ZHX2: variants seen among roughly 807,000 people sequenced by gnomAD.
The protein encoded by ZHX2 is zinc fingers and homeoboxes protein 2.
In ZHX2, 6 loss-of-function variants were observed where a neutral mutation model predicts 21.9. That is an observed-to-expected ratio of 0.27 (90% CI 0.15 to 0.54). The LOEUF is 0.54. Among genes scored for constraint, ZHX2 ranks in the 20% least tolerant of loss-of-function variants. The pLI, the probability that ZHX2 is intolerant of heterozygous loss-of-function variation, is 0.95. For synonymous variants in ZHX2, 434 were observed against 437.1 expected (o/e 0.99, Z 0.09); for missense variants, 908 against 1,090.7 (o/e 0.83, Z 2.36).
At chr8:122,964,652 G>A (rs1813533838) in intron 3 of ZHX2, among the ~76,000 whole-genome samples, 1 of 152,106 alleles carries the variant, frequency 6.6e-6, no homozygotes, top group Admixed American at 6.6e-5. Flanking sequence ...GGTGATACTG[G>A]CTTCGTAGAA....
chr8:122,816,555 CA>C (rs1321433782), intron 1 of ZHX2: 1 of 150,418 alleles, frequency 6.6e-6, no homozygotes. Context: ...AAGTGATTCT[CA>C]ATAATGAATC....
At chr8:122,875,801 A>G (rs1337585304) in intron 2 of ZHX2, among the ~76,000 whole-genome samples, 1 of 152,106 alleles carries the variant, frequency 6.6e-6, no homozygotes, top group African/African-American at 2.4e-5. Context: ...CTGACTCTGA[A>G]TTTTTCTACA....
intron 2 of ZHX2, among the ~76,000 whole-genome samples, chr8:122,943,726 G>T (rs1453374725): frequency 2.0e-5 from 3 of 152,186 alleles, no homozygotes; most frequent in African/African-American, 7.2e-5. Flanking sequence ...TTAATTTGGG[G>T]TTAGCTGAGA....
At chr8:122,810,275 T>C (rs1469173023) in intron 1 of ZHX2, among the ~76,000 whole-genome samples, 1 of 152,148 alleles carries the variant, frequency 6.6e-6, no homozygotes, top group Admixed American at 6.5e-5. Context: ...TTCTGTAAAA[T>C]GGGGGGTAGT....
At position 122,952,651 on chromosome 8, in the gene ZHX2, G is replaced by A; in HGVS notation, c.1141G>A (p.Val381Met). 2 of 1,614,174 alleles carry A rather than the reference G, an allele frequency of 1.2e-6. No homozygotes were observed. Among genetic ancestry groups the A allele is most frequent in the East Asian group, 4.5e-5 (2 of 44,880 alleles). The change falls in exon 3 of 4, where the codon GTG (valine) becomes ATG (methionine). Residue 381 changes from valine to methionine, a missense_variant. Physicochemically the swap from Val to Met is conservative, Grantham distance 21. Around this residue, in one of 4 missense-constraint regions of ZHX2, gnomAD observed 232 missense variants for 361.8 expected, o/e 0.64. Transcript: ENST00000314393. The surrounding 1 kb of genome is among the most constrained non-coding windows in gnomAD (Gnocchi z 6.9). ...CCAGACTAGCCTGGTGCTGACTCAG[G>A]TGACCAGCGGGTCAACAACCGTCTC... ...LGQTSLVLTQ[V>M]TSGSTTVSCS... is the part of the protein sequence containing the mutation.
At chr8:122,832,863 C>A (rs1818409677) in intron 1 of ZHX2, among the ~76,000 whole-genome samples, 1 of 152,050 alleles carries the variant, frequency 6.6e-6, no homozygotes, top group African/African-American at 2.4e-5. Flanking sequence ...TCCCGTTCTG[C>A]CAAGAAGTTT....
At chr8:122,817,261 C>A (rs898740428) in intron 1 of ZHX2, among the ~76,000 whole-genome samples, 2 of 152,238 alleles carry the variant, frequency 1.3e-5, no homozygotes, top group Admixed American at 6.5e-5. Context: ...TTTCCACACC[C>A]TCCTTAGCGA....
intron 1 of ZHX2, among the ~76,000 whole-genome samples, chr8:122,836,306 G>A (rs1239951439): frequency 6.6e-6 from 1 of 152,188 alleles, no homozygotes; most frequent in Non-Finnish European, 1.5e-5. Flanking sequence ...CTTACCAGTA[G>A]GCGAGATCAG....
intron 2 of ZHX2, among the ~76,000 whole-genome samples, chr8:122,891,226 A>T (rs1258435352): frequency 4.8e-5 from 7 of 145,750 alleles, no homozygotes; most frequent in Non-Finnish European, 1.1e-4. Context: ...TTCATTATTG[A>T]TCTATTCAAG....
At chr8:122,957,845 G>A (rs796677523) in intron 3 of ZHX2, among the ~76,000 whole-genome samples, 9 of 152,106 alleles carry the variant, frequency 5.9e-5, no homozygotes, top group Admixed American at 2.0e-4. Context: ...CCCACATCCT[G>A]GACAGAGGCA....
In ZHX2 at chr8:122,919,225, A is replaced by G. The variant is rs1400109674; in HGVS notation, c.-219-32067A>G. 3.3e-5 allele frequency among the ~76,000 whole-genome samples: 5 copies of G among 152,088 alleles called. No individual in the cohort carries two copies. In the South Asian group the frequency reaches 6.2e-4, roughly 19 times the overall value. ...CTCTTACTCATCTCTTCCTCCTTCA[A>G]TGGTTAGCTCCTTGAGGTGTGCAGC... On this transcript the variant is annotated intron_variant, in intron 2 of 3. Coordinates refer to ENST00000314393, the MANE Select transcript of ZHX2 (RefSeq NM_014943.5).
At chr8:122,824,423 AC>A (rs1818218827) in intron 1 of ZHX2, among the ~76,000 whole-genome samples, 14 of 152,154 alleles carry the variant, frequency 9.2e-5, no homozygotes, top group Admixed American at 3.9e-4. Context: ...ATGAACCCTC[AC>A]CCACAGCCCA....
intron 2 of ZHX2, among the ~76,000 whole-genome samples, chr8:122,948,251 G>A (rs1316189194): frequency 1.3e-5 from 2 of 152,132 alleles, no homozygotes; most frequent in Non-Finnish European, 2.9e-5. Flanking sequence ...CAGGCCCATG[G>A]GAGAGGCCAG....
chr8:122,826,394 C>A (rs1252427245), intron 1 of ZHX2, among the ~76,000 whole-genome samples: 2 of 152,154 alleles, frequency 1.3e-5, no homozygotes, highest in Admixed American at 6.5e-5. Context: ...TTTTAAGGCT[C>A]ATGATACCCA....
chr8:122,808,832 C>T (rs1473736220), intron 1 of ZHX2: 1 of 152,208 alleles, frequency 6.6e-6, no homozygotes, highest in Non-Finnish European at 1.5e-5. Context: ...AGATTTGAAC[C>T]TGACTAGTTT....
intron 2 of ZHX2, among the ~76,000 whole-genome samples, chr8:122,895,814 A>T (rs186393085): frequency 8.5e-4 from 129 of 152,154 alleles, no homozygotes; most frequent in African/African-American, 2.9e-3. Flanking sequence ...AACCATCAGA[A>T]CCATGCAAAA....
At chr8:122,938,093 G>A (rs1398575248) in intron 2 of ZHX2, among the ~76,000 whole-genome samples, 1 of 151,780 alleles carries the variant, frequency 6.6e-6, no homozygotes, top group Non-Finnish European at 1.5e-5. Context: ...GTGCCACCAT[G>A]TCCAGCTAAT....
intron 2 of ZHX2, among the ~76,000 whole-genome samples, chr8:122,869,320 T>A (rs1285290079): frequency 2.3e-5 from 3 of 133,180 alleles, no homozygotes; most frequent in Non-Finnish European, 5.0e-5. Flanking sequence ...TCCTCATCCT[T>A]TTTTGTTTTT....
At position 122,829,575 on chromosome 8, in the gene ZHX2, G is replaced by A. The variant is rs146468759; in HGVS notation, c.-282-33902G>A. On this transcript the variant is annotated intron_variant, in intron 1 of 3. Transcript: ENST00000314393. The stretch of plus-strand genomic sequence containing the variant: ...CTCTCCCACCTCATTGTAAGAGTTG[G>A]GGAAAAACATATTTCTATTTGAGCA... 4.7e-4 allele frequency among the ~76,000 whole-genome samples: 72 copies of A among 152,308 alleles called. 1 individual carries two copies. Among genetic ancestry groups the A allele is most frequent in the African/African-American group, 1.7e-3 (69 of 41,556 alleles).
Sources: allele counts gnomAD v4.1 joint callset (sites outside exome capture counted in the v4.1 genomes callset), GRCh38; gene constraint gnomAD v4.1.1; regional missense constraint gnomAD v4.1.1; non-coding constraint Gnocchi (gnomAD v3.1); transcripts MANE v1.5; gene names NCBI Gene and HGNC (gene_info 2026-07-23, HGNC 2026-07-21).